SETDB1: variants seen among roughly 807,000 people sequenced by gnomAD.
SETDB1 encodes the protein SET domain bifurcated histone lysine methyltransferase 1.
In SETDB1, 31 loss-of-function variants were observed where a neutral mutation model predicts 137.4. That is an observed-to-expected ratio of 0.23 (90% CI 0.17 to 0.30). The LOEUF (loss-of-function observed/expected upper bound fraction) is 0.30. Ranked by LOEUF, SETDB1 falls within the 10% of genes least tolerant of loss-of-function variation. The pLI is 1.00. For missense variants in SETDB1, 1,113 were observed against 1,631.5 expected, an observed-to-expected ratio of 0.68 and a Z score of 5.47; for synonymous variants, 548 against 579.9, an observed-to-expected ratio of 0.95 and a Z score of 0.79.
At chr1:150,945,188 A>G (rs1478702807) in intron 9 of SETDB1, 80 bp downstream of exon 9, 2 of 1,582,642 alleles carry the variant, frequency 1.3e-6, no homozygotes, top group East Asian at 4.5e-5. Context: ...ATGGTTTTAT[A>G]GCTATTCCAT....
Position 150,950,610 on chromosome 1 carries a change from G to C in SETDB1, c.1736G>C (p.Cys579Ser). The C allele has an allele frequency of 6.2e-7, 1 of 1,614,072 alleles. No homozygotes were observed. Among genetic ancestry groups the C allele is most frequent in the Non-Finnish European group, 8.5e-7 (1 of 1,180,042 alleles). The change falls in exon 13 of 22, where the codon TGC (cysteine) becomes TCC (serine). Residue 579 changes from cysteine (C) to serine (S), a missense_variant. By Grantham distance (112) the Cys-to-Ser change is moderately radical (BLOSUM62 -1). Coordinates refer to ENST00000692827, the MANE Select transcript of SETDB1 (RefSeq NM_001366418.1). ...MEKLFYLPHVCSYTCLSRVRP... is the reference protein window; with the variant it reads ...MEKLFYLPHVSSYTCLSRVRP... The stretch of plus-strand genomic sequence containing the variant: ...AAGCTTTTCTACTTACCTCATGTCT[G>C]CAGCTATACCTGTCTGTCTCGAGTC...
Position 150,964,598 on chromosome 1 carries a change from G to A in SETDB1, c.*234G>A, listed in dbSNP as rs41272023. On this transcript the variant is annotated 3_prime_UTR_variant, in exon 22 of 22. Coordinates refer to ENST00000692827, the MANE Select transcript of SETDB1 (RefSeq NM_001366418.1). ...GGGGAGAGATCACCACTCTAACCTC[G>A]GCCTGACATCCCTCCCATCCCATAT... The A allele has an allele frequency of 0.01, 6,831 of 673,294 alleles. 50 individuals are homozygous for A. The highest frequency in any genetic ancestry group is 0.013 in the Middle Eastern group (34 of 2,600). The allele number at this position is 673,294 out of a possible 1,614,324, so 41.7% of individuals were successfully genotyped here.
intron 3 of SETDB1, among the ~76,000 whole-genome samples, chr1:150,933,420 C>G (rs965855210): frequency 7.3e-6 from 1 of 137,876 alleles, no homozygotes; most frequent in Admixed American, 8.3e-5. Flanking sequence ...GGCTGAAGTG[C>G]AGTGGCATGA....
intron 13 of SETDB1, 27 bp downstream of exon 13, chr1:150,951,117 C>T (rs1312214411): frequency 1.3e-6 from 2 of 1,586,834 alleles, no homozygotes; most frequent in Non-Finnish European, 1.7e-6. Flanking sequence ...AATTGCTGCC[C>T]CTGCTTCCAA....
intron 3 of SETDB1, 131 bp downstream of exon 3, chr1:150,930,249 G>C: frequency 3.9e-6 from 3 of 763,124 alleles, no homozygotes; most frequent in Non-Finnish European, 6.2e-6. Flanking sequence ...GCCTGAGTTG[G>C]CTATTAAAGA....
intron 20 of SETDB1, 120 bp from the exon 21 acceptor site, chr1:150,963,875 A>C (rs1202965359): frequency 7.8e-7 from 1 of 1,288,690 alleles, no homozygotes; most frequent in Admixed American, 1.8e-5. Context: ...GCTTTCTTTC[A>C]AAGCATCTAT....
In SETDB1 at chr1:150,926,453, A is replaced by C; in HGVS notation, c.-76A>C. The stretch of plus-strand genomic sequence containing the variant: ...CTTTCGCTCTTTTCCGTCGAGGCCG[A>C]CCCCTGAGTTGTGAGTCTGGGGTCT... On this transcript the variant is annotated 5_prime_UTR_variant, in exon 1 of 22. Transcript: ENST00000692827. 1 of 280,076 alleles carries C rather than the reference A, an allele frequency of 3.6e-6. No individual in the cohort carries two copies. The highest frequency in any genetic ancestry group is 7.0e-6 in the Non-Finnish European group (1 of 143,664). The allele number at this position is 280,076 out of a possible 1,614,324, so 17.3% of individuals were successfully genotyped here. A position where few individuals can be genotyped will look rare whatever the true frequency, so the allele number is the denominator to read the frequency against.
In SETDB1 at chr1:150,964,387, T is replaced by C; in HGVS notation, c.*23T>C. The C allele has an allele frequency of 6.5e-7, 1 of 1,548,612 alleles. No homozygotes were observed. The highest frequency in any genetic ancestry group is 8.9e-7 in the Non-Finnish European group (1 of 1,121,500). ...TAGAGGACAGCCTTCTTCCCAACCCTTCTTGAACTGTCGTTTCCTCAGGAA... is the reference window on the plus strand; with the variant it reads ...TAGAGGACAGCCTTCTTCCCAACCCCTCTTGAACTGTCGTTTCCTCAGGAA... On this transcript the variant is annotated 3_prime_UTR_variant, in exon 22 of 22. Coordinates refer to ENST00000692827, the MANE Select transcript of SETDB1 (RefSeq NM_001366418.1).
At chr1:150,959,394 A>G (rs1384318347) in intron 15 of SETDB1, 47 bp downstream of exon 15, 2 of 1,477,696 alleles carry the variant, frequency 1.4e-6, no homozygotes, top group Non-Finnish European at 1.9e-6. Flanking sequence ...GGGACATGGT[A>G]GGGAATTGAA....
rs1670421518 is a variant in SETDB1 at position 150,949,164 on chromosome 1, A to T, written c.1310A>T (p.Asp437Val). The change falls in exon 11 of 22, where the codon GAT (aspartate) becomes GTT (valine). Residue 437 changes from aspartate (D) to valine (V), a missense_variant. By Grantham distance (152) the Asp-to-Val change is radical. Transcript: ENST00000692827. ...SKGPVVQYTQDLTGTGTQFKP... is the reference protein window; with the variant it reads ...SKGPVVQYTQVLTGTGTQFKP... ...GGCCCTGTTGTCCAGTACACACAGG[A>T]TCTGACCGGTACTGGAACCCAGTTC... is the stretch of plus-strand genomic sequence containing the variant. 1 of 1,614,092 alleles carries T rather than the reference A, an allele frequency of 6.2e-7. No homozygotes were observed. Among genetic ancestry groups the T allele is most frequent in the Non-Finnish European group, 8.5e-7 (1 of 1,180,008 alleles).
At chr1:150,945,130 T>C in intron 9 of SETDB1, 22 bp downstream of exon 9, 2 of 1,613,916 alleles carry the variant, frequency 1.2e-6, no homozygotes, top group South Asian at 1.1e-5. Flanking sequence ...CTCTACAATT[T>C]TGGAGGCAGA....
intron 4 of SETDB1, among the ~76,000 whole-genome samples, chr1:150,940,805 C>T (rs1437234591): frequency 6.6e-6 from 1 of 151,896 alleles, no homozygotes; most frequent in East Asian, 1.9e-4. Context: ...TGAGACCAGC[C>T]TGGCTAACAT....
chr1:150,942,879 T>G lies in SETDB1; in HGVS notation c.701T>G (p.Phe234Cys). 6.2e-7 allele frequency: 1 copy of G among 1,614,178 alleles called. No homozygotes were observed. Among genetic ancestry groups the G allele is most frequent in the Non-Finnish European group, 8.5e-7 (1 of 1,180,010 alleles). The change falls in exon 7 of 22, where the codon TTT (phenylalanine) becomes TGT (cysteine). Residue 234 changes from phenylalanine to cysteine, a missense_variant. Physicochemically the swap from Phe to Cys is radical, Grantham distance 205 (BLOSUM62 -2). Transcript: ENST00000692827. ...VGPGKKYKVK[F>C]DNKGKSLLSG... ...CCAGGGAAGAAATACAAGGTGAAATTTGACAACAAAGGAAAGAGTCTACTG... is the reference window on the plus strand; with the variant it reads ...CCAGGGAAGAAATACAAGGTGAAATGTGACAACAAAGGAAAGAGTCTACTG...
intron 12 of SETDB1, 124 bp from the exon 13 acceptor site, chr1:150,950,334 C>T (rs1670460775): frequency 2.4e-6 from 2 of 834,750 alleles, no homozygotes; most frequent in African/African-American, 3.4e-5. Context: ...TTTCTTGAAT[C>T]ATCTTTAGCT....
chr1:150,959,433 G>C, intron 15 of SETDB1, 86 bp downstream of exon 15: 7 of 1,167,386 alleles, frequency 6.0e-6, no homozygotes, highest in Non-Finnish European at 8.7e-6. Context: ...TAAGAAGAAA[G>C]TGCTTGACAT....
intron 8 of SETDB1, 40 bp from the exon 9 acceptor site, chr1:150,944,878 C>G: frequency 6.2e-7 from 1 of 1,607,592 alleles, no homozygotes; most frequent in Non-Finnish European, 8.5e-7. Flanking sequence ...TCAAGACATG[C>G]CCTACCTGCC....
At chr1:150,948,962 G>C (rs1348643722) in intron 10 of SETDB1, among the ~76,000 whole-genome samples, 160 bp from the exon 11 acceptor site, 1 of 151,992 alleles carries the variant, frequency 6.6e-6, no homozygotes, top group African/African-American at 2.4e-5. Context: ...CAAGCAACCT[G>C]CCCACTTCGG....
chr1:150,954,307 G>C (rs1047698764), intron 14 of SETDB1, among the ~76,000 whole-genome samples: 5 of 152,164 alleles, frequency 3.3e-5, no homozygotes, highest in African/African-American at 9.7e-5. Flanking sequence ...TGGGGTGACA[G>C]AGCATGACTC....
At chr1:150,949,662 AC>A in intron 12 of SETDB1, 137 bp downstream of exon 12, 1 of 672,554 alleles carries the variant, frequency 1.5e-6, no homozygotes, top group East Asian at 2.8e-5. Context: ...AGGAAGCTTT[AC>A]CCATAGAAGT....
Sources: allele counts gnomAD v4.1 joint callset (sites outside exome capture counted in the v4.1 genomes callset), GRCh38; gene constraint gnomAD v4.1.1; transcripts MANE v1.5; gene names NCBI Gene and HGNC (gene_info 2026-07-23, HGNC 2026-07-21).